The following PHEX variants were observed in gnomAD, a reference collection of about 807,000 sequenced individuals.
PHEX encodes the protein phosphate-regulating neutral endopeptidase PHEX.
PHEX carries 16 observed loss-of-function variants against 68.0 expected under a neutral mutation model. The observed-to-expected ratio is 0.24, with a 90% CI of 0.16 to 0.36. The LOEUF is 0.36. Among genes scored for constraint, PHEX ranks in the 10% least tolerant of loss-of-function variants. The probability of loss-of-function intolerance (pLI) is 1.00; values close to 1 mark genes in which losing one functional copy is unlikely to be tolerated. For missense variants in PHEX, 480 were observed against 575.5 expected, an observed-to-expected ratio of 0.83 and a Z score of 1.70; for synonymous variants, 208 against 205.1, an observed-to-expected ratio of 1.01 and a Z score of -0.12.
At chrX:22,089,416 T>G (rs200987801) in intron 5 of PHEX, among the ~76,000 whole-genome samples, 63 of 105,045 alleles carry the variant, frequency 6.0e-4, no homozygotes, top group African/African-American at 1.8e-3. Flanking sequence ...GTTTTTTTTT[T>G]GTTTTTTTTG....
Position 22,223,701 on chromosome X carries a change from A to G in PHEX, c.1899+1958A>G, listed in dbSNP as rs374938569. ...TAGTGAGATATGATCACACCACTGCACTCCAGTGTGGGTGAAAGAGAGAGA... is the reference window on the plus strand; with the variant it reads ...TAGTGAGATATGATCACACCACTGCGCTCCAGTGTGGGTGAAAGAGAGAGA... On this transcript the variant is annotated intron_variant, in intron 18 of 21. Coordinates refer to ENST00000379374, the MANE Select transcript of PHEX (RefSeq NM_000444.6). Among the ~76,000 whole-genome samples the G allele has an allele frequency of 4.4e-5, 5 of 112,577 alleles. No individual in the cohort carries two copies. In the East Asian group the frequency reaches 1.1e-3, roughly 25 times the overall value.
At position 22,119,399 on chromosome X, in the gene PHEX, G is replaced by A. The variant is rs139731985; in HGVS notation, c.1302+4813G>A. ...GTTACATGAAAGTGGGACTCCCCTAGAGAATTGATGATATATCATCACTGT... is the reference window on the plus strand; with the variant it reads ...GTTACATGAAAGTGGGACTCCCCTAAAGAATTGATGATATATCATCACTGT... On this transcript the variant is annotated intron_variant, in intron 11 of 21. Transcript: ENST00000379374. Among the ~76,000 whole-genome samples, 193 of 110,859 alleles carry A rather than the reference G, an allele frequency of 1.7e-3. 1 individual carries two copies. The highest frequency in any genetic ancestry group is 6.2e-3 in the African/African-American group (190 of 30,505).
intron 3 of PHEX, among the ~76,000 whole-genome samples, chrX:22,068,086 C>T (rs1928694237): frequency 9.0e-6 from 1 of 111,201 alleles, no homozygotes; most frequent in African/African-American, 3.3e-5. Context: ...GATCCGCCTG[C>T]CTCTACCTCC....
At chrX:22,155,478 C>T (rs1485513056) in intron 12 of PHEX, among the ~76,000 whole-genome samples, 2 of 112,221 alleles carry the variant, frequency 1.8e-5, no homozygotes, top group Non-Finnish European at 3.8e-5. Context: ...TTAAATTTCT[C>T]TGAGAAACGT....
chrX:22,068,562 A>G (rs1232638507), intron 3 of PHEX, among the ~76,000 whole-genome samples: 1 of 111,927 alleles, frequency 8.9e-6, no homozygotes, highest in Non-Finnish European at 1.9e-5. Flanking sequence ...CTGAGTCCAA[A>G]TCCTAGCTCT....
At chrX:22,243,816 G>T (rs764118868) in intron 20 of PHEX, among the ~76,000 whole-genome samples, 2 of 112,162 alleles carry the variant, frequency 1.8e-5, no homozygotes, top group African/African-American at 6.5e-5. Flanking sequence ...AAATAGGAAC[G>T]CTTTTACATT....
chrX:22,165,094 A>G (rs1003328650), intron 12 of PHEX, among the ~76,000 whole-genome samples: 4 of 112,127 alleles, frequency 3.6e-5, no homozygotes, highest in Non-Finnish European at 7.5e-5. Context: ...CTATCTTACT[A>G]TGTTTATTTC....
chrX:22,243,710 A>G (rs1489135893), intron 20 of PHEX, among the ~76,000 whole-genome samples: 1 of 112,484 alleles, frequency 8.9e-6, no homozygotes, highest in East Asian at 2.8e-4. Context: ...GAGAAATGCA[A>G]ATCAATCAAA....
At chrX:22,040,004 T>G (rs1377320616) in intron 2 of PHEX, among the ~76,000 whole-genome samples, 1 of 111,578 alleles carries the variant, frequency 9.0e-6, no homozygotes, top group African/African-American at 3.3e-5. Context: ...TGTGTAATTT[T>G]TGGTTAGGAC....
intron 5 of PHEX, among the ~76,000 whole-genome samples, chrX:22,086,388 G>T (rs1263915798): frequency 2.7e-5 from 3 of 111,824 alleles, no homozygotes; most frequent in African/African-American, 9.7e-5. Flanking sequence ...GTTAAGGTAT[G>T]GGCAGGTCTT....
intron 14 of PHEX, among the ~76,000 whole-genome samples, chrX:22,188,228 A>G (rs1292809114): frequency 8.9e-6 from 1 of 111,998 alleles, no homozygotes; most frequent in Admixed American, 9.4e-5. Context: ...GAGTAATACA[A>G]TTATTCTAGA....
intron 20 of PHEX, among the ~76,000 whole-genome samples, chrX:22,232,307 T>A (rs1354501433): frequency 9.0e-6 from 1 of 111,097 alleles, no homozygotes; most frequent in East Asian, 2.8e-4. Flanking sequence ...AGAGCTGAGT[T>A]CAAGTTCTGG....
At chrX:22,066,603 TC>T (rs1928614183) in intron 3 of PHEX, among the ~76,000 whole-genome samples, 5 of 111,478 alleles carry the variant, frequency 4.5e-5, no homozygotes, top group Admixed American at 3.8e-4. Context: ...TGCTGTTGCT[TC>T]CCCCCTTTTG....
intron 9 of PHEX, among the ~76,000 whole-genome samples, chrX:22,100,574 A>G (rs758659044): frequency 2.7e-5 from 3 of 111,718 alleles, no homozygotes; most frequent in South Asian, 7.5e-4. Context: ...ATCTGTGTTA[A>G]AAGAGTAGGT....
intron 13 of PHEX, among the ~76,000 whole-genome samples, chrX:22,173,342 C>T (rs773663490): frequency 9.1e-6 from 1 of 110,422 alleles, no homozygotes; most frequent in African/African-American, 3.3e-5. Context: ...AGACCAAGAC[C>T]AGCCCCAGTG....
intron 9 of PHEX, among the ~76,000 whole-genome samples, chrX:22,100,444 C>A (rs1316955928): frequency 3.6e-5 from 4 of 112,140 alleles, no homozygotes; most frequent in South Asian, 3.7e-4. Context: ...AAACGATTTT[C>A]TACTCATATG....
intron 5 of PHEX, among the ~76,000 whole-genome samples, chrX:22,082,617 C>T (rs1929441487): frequency 8.9e-6 from 1 of 112,318 alleles, no homozygotes. Context: ...AGACCTTTGT[C>T]GGATGCACAG....
rs1157170753 is a variant in PHEX, at chrX:22,118,339, C to CAAA, written c.1302+3777_1302+3779dup. The stretch of plus-strand genomic sequence containing the variant: ...TGATTCATTTGTTTGTAAACAGCAC[C>CAAA]AAAAAAAAAAAAAAAAAAAAAAAAA... On this transcript the variant is annotated intron_variant, in intron 11 of 21. Coordinates refer to ENST00000379374, the MANE Select transcript of PHEX (RefSeq NM_000444.6). Among the ~76,000 whole-genome samples the CAAA allele has an allele frequency of 1.5e-3, 32 of 21,114 alleles. 4 individuals carry two copies. The highest frequency in any genetic ancestry group is 4.3e-3 in the African/African-American group (25 of 5,857). 18.3% of individuals were successfully genotyped at this position (21,114 alleles called of 115,157 possible).
intron 12 of PHEX, among the ~76,000 whole-genome samples, chrX:22,151,177 T>G (rs1225582466): frequency 1.8e-5 from 2 of 112,199 alleles, no homozygotes; most frequent in African/African-American, 6.5e-5. Flanking sequence ...TGGCTATTAA[T>G]GGTAGCAGAG....
Sources: allele counts gnomAD v4.1 joint callset (sites outside exome capture counted in the v4.1 genomes callset), GRCh38; gene constraint gnomAD v4.1.1; transcripts MANE v1.5; gene names NCBI Gene and HGNC (gene_info 2026-07-23, HGNC 2026-07-21).